Variants in SYNPO2 observed in about 807,000 individuals in gnomAD.
SYNPO2 encodes the protein synaptopodin 2.
SYNPO2 carries 56 observed loss-of-function variants against 85.0 expected under a neutral mutation model. That is an observed-to-expected ratio of 0.66 (90% CI 0.53 to 0.82). The LOEUF (loss-of-function observed/expected upper bound fraction) is 0.82, where lower values mean the gene tolerates loss of function less well. Ranked by LOEUF, SYNPO2 falls within the 40% of genes least tolerant of loss-of-function variation. SYNPO2 has a pLI of 0.00. For missense variants in SYNPO2, 1,575 were observed against 1,534.2 expected, an observed-to-expected ratio of 1.03 and a Z score of -0.44; for synonymous variants, 602 against 591.1, an observed-to-expected ratio of 1.02 and a Z score of -0.27.
At chr4:119,047,378 CAT>C (rs1460458440) in intron 4 of SYNPO2, among the ~76,000 whole-genome samples, 2 of 152,184 alleles carry the variant, frequency 1.3e-5, no homozygotes. Flanking sequence ...ATTTAAACAA[CAT>C]GTGATTACTT....
intron 1 of SYNPO2, among the ~76,000 whole-genome samples, chr4:118,986,930 C>T (rs979072469): frequency 5.9e-5 from 9 of 152,152 alleles, no homozygotes; most frequent in African/African-American, 2.2e-4. Flanking sequence ...CAAAATGGAA[C>T]AGAAAATTCT....
At chr4:118,929,442 A>G (rs932828832) in intron 1 of SYNPO2, among the ~76,000 whole-genome samples, 1 of 152,156 alleles carries the variant, frequency 6.6e-6, no homozygotes. Context: ...TTTTAAAACC[A>G]TAAGGCTTCT....
chr4:118,942,077 A>G (rs1734333798), intron 1 of SYNPO2, among the ~76,000 whole-genome samples: 1 of 152,228 alleles, frequency 6.6e-6, no homozygotes, highest in African/African-American at 2.4e-5. Context: ...CTTGGTTTAC[A>G]TATGAAAGGA....
chr4:119,027,133 G>A lies in SYNPO2; in HGVS notation c.764G>A (p.Arg255Lys), dbSNP rs1737994626. ...PTNEKADPFLRSSKIIQISSG... is the reference protein window; with the variant it reads ...PTNEKADPFLKSSKIIQISSG... Reference sequence around the variant, plus strand: ...AATGAGAAAGCAGACCCTTTCCTGAGGTCCAGCAAGATAATCCAGATCTCC... The same window carrying A: ...AATGAGAAAGCAGACCCTTTCCTGAAGTCCAGCAAGATAATCCAGATCTCC... The change falls in exon 3 of 5, where the codon AGG becomes AAG. Residue 255 changes from arginine (R) to lysine (K), a missense_variant. By Grantham distance (26) the Arg-to-Lys change is conservative. Coordinates refer to ENST00000307142, the MANE Select transcript of SYNPO2 (RefSeq NM_133477.3). 1.2e-6 allele frequency: 2 copies of A among 1,614,128 alleles called. No homozygotes were observed. Among genetic ancestry groups the A allele is most frequent in the Non-Finnish European group, 1.7e-6 (2 of 1,180,036 alleles).
intron 1 of SYNPO2, among the ~76,000 whole-genome samples, chr4:118,933,741 A>G (rs1412540445): frequency 6.6e-6 from 1 of 151,740 alleles, no homozygotes; most frequent in Non-Finnish European, 1.5e-5. Context: ...TCAAGAAATT[A>G]TTTAAGCAGT....
chr4:118,947,332 C>T (rs1385316707), intron 1 of SYNPO2, among the ~76,000 whole-genome samples: 1 of 152,182 alleles, frequency 6.6e-6, no homozygotes. Flanking sequence ...CACAGCCTTT[C>T]CCTTAAGCTA....
intron 1 of SYNPO2, among the ~76,000 whole-genome samples, chr4:119,020,673 G>C (rs1034773252): frequency 6.6e-6 from 1 of 151,950 alleles, no homozygotes; most frequent in Non-Finnish European, 1.5e-5. Flanking sequence ...TCGAATCCTG[G>C]TATATCTGAC....
Position 119,036,054 on chromosome 4 carries a change from C to T in SYNPO2, c.3252+4027C>T, listed in dbSNP as rs995742707. On this transcript the variant is annotated intron_variant, in intron 4 of 4. Coordinates refer to ENST00000307142, the MANE Select transcript of SYNPO2 (RefSeq NM_133477.3). The stretch of plus-strand genomic sequence containing the variant: ...TTTCTCAAATAAAGGCCCTTGGCTG[C>T]GTATCATTTCATCCAGTTATAAACT... 11 of 985,360 alleles carry T rather than the reference C, an allele frequency of 1.1e-5. No homozygotes were observed. The African/African-American group carries it at 1.2e-4, about 11-fold the overall frequency. 61.0% of individuals were successfully genotyped at this position (985,360 alleles called of 1,614,324 possible). A position where few individuals can be genotyped will look rare whatever the true frequency, so the allele number is the denominator to read the frequency against.
rs760515754 is a variant in SYNPO2, at chr4:119,057,627, T to C, written c.3479T>C (p.Val1160Ala). The change falls in exon 5 of 5, where the codon GTG becomes GCG. Residue 1160 changes from valine to alanine, a missense_variant. This residue lies in a region of SYNPO2 where 1,508 missense variants were observed against 1,446.8 expected (regional missense o/e 1.04). Coordinates refer to ENST00000307142, the MANE Select transcript of SYNPO2 (RefSeq NM_133477.3). ...ATCCAGGAATCCATTGTGGCAAATG[T>C]GGTTTCAGCAGCTCGGAGGAAGGTG... ...RNIQESIVAN[V>A]VSAARRKVLP... 1.9e-6 allele frequency: 3 copies of C among 1,614,038 alleles called. No homozygotes were observed. The highest frequency in any genetic ancestry group is 1.6e-4 in the Middle Eastern group (1 of 6,062).
intron 1 of SYNPO2, among the ~76,000 whole-genome samples, chr4:118,894,806 A>C (rs1027918109): frequency 2.0e-5 from 3 of 152,024 alleles, no homozygotes; most frequent in African/African-American, 7.2e-5. Context: ...AGCAAAAAGC[A>C]TCCCAGGTTA....
intron 1 of SYNPO2, among the ~76,000 whole-genome samples, chr4:119,017,560 T>C (rs1360732634): frequency 1.3e-5 from 2 of 151,730 alleles, no homozygotes; most frequent in Admixed American, 1.3e-4. Flanking sequence ...AAAAAAAATC[T>C]CTAAAACTTT....
chr4:118,916,442 G>A (rs1270326605), intron 1 of SYNPO2, among the ~76,000 whole-genome samples: 4 of 151,794 alleles, frequency 2.6e-5, no homozygotes, highest in African/African-American at 7.3e-5. Context: ...CAAAATGCTG[G>A]GACTACAGGG....
rs1271806207 is a variant in SYNPO2, at chr4:118,888,977, C to T, written c.-60C>T. On this transcript the variant is annotated 5_prime_UTR_variant, in exon 1 of 5. Transcript: ENST00000307142. ...CCCGAAGCTGAGTGCGCATCCTCTACCGCACCCAAGCTTCGTCTGTCTCGT... is the reference window on the plus strand; with the variant it reads ...CCCGAAGCTGAGTGCGCATCCTCTATCGCACCCAAGCTTCGTCTGTCTCGT... The T allele has an allele frequency of 4.5e-6, 7 of 1,548,910 alleles. No homozygotes were observed. The highest frequency in any genetic ancestry group is 6.2e-6 in the Non-Finnish European group (7 of 1,122,620).
intron 1 of SYNPO2, among the ~76,000 whole-genome samples, chr4:119,019,166 G>A (rs1737627137): frequency 6.6e-6 from 1 of 152,078 alleles, no homozygotes; most frequent in South Asian, 2.1e-4. Context: ...CCCGTGACAC[G>A]TGTTTACCTC....
intron 1 of SYNPO2, among the ~76,000 whole-genome samples, chr4:118,960,135 C>T (rs1368515058): frequency 6.6e-6 from 1 of 152,164 alleles, no homozygotes; most frequent in Admixed American, 6.5e-5. Context: ...AGTGAATGTT[C>T]TCCTAGTCTC....
At chr4:118,937,675 T>C (rs562885788) in intron 1 of SYNPO2, among the ~76,000 whole-genome samples, 1 of 151,220 alleles carries the variant, frequency 6.6e-6, no homozygotes, top group Admixed American at 6.6e-5. Flanking sequence ...ACCTGTACAA[T>C]AAAGAAAAAA....
intron 1 of SYNPO2, among the ~76,000 whole-genome samples, chr4:118,912,065 A>G (rs1223713144): frequency 6.6e-6 from 1 of 152,230 alleles, no homozygotes; most frequent in Non-Finnish European, 1.5e-5. Flanking sequence ...TTCTAGGTAG[A>G]GGACTTCTTT....
intron 4 of SYNPO2, among the ~76,000 whole-genome samples, chr4:119,040,540 T>C (rs1197369827): frequency 1.3e-5 from 2 of 152,218 alleles, no homozygotes; most frequent in African/African-American, 4.8e-5. Flanking sequence ...TCAATATTTT[T>C]ATAAAATAAC....
At chr4:118,966,922 T>C (rs972100850) in intron 1 of SYNPO2, among the ~76,000 whole-genome samples, 2 of 152,206 alleles carry the variant, frequency 1.3e-5, no homozygotes, top group African/African-American at 4.8e-5. Context: ...GTTAATAACA[T>C]GGTAGTTTTT....
Sources: allele counts gnomAD v4.1 joint callset (sites outside exome capture counted in the v4.1 genomes callset), GRCh38; gene constraint gnomAD v4.1.1; regional missense constraint gnomAD v4.1.1; transcripts MANE v1.5; gene names NCBI Gene and HGNC (gene_info 2026-07-23, HGNC 2026-07-21).